PLEKHG2: variants seen among roughly 807,000 people sequenced by gnomAD.
The protein encoded by PLEKHG2 is pleckstrin homology and RhoGEF domain containing G2.
Under a neutral mutation model 104.4 loss-of-function variants are expected in PLEKHG2, and 71 were observed. That is an observed-to-expected ratio of 0.68 (90% CI 0.56 to 0.83). The LOEUF is 0.83. Among genes scored for constraint, PLEKHG2 ranks in the 40% least tolerant of loss-of-function variants. PLEKHG2 has a pLI of 0.00. For missense variants in PLEKHG2, 1,730 were observed against 1,809.4 expected, an observed-to-expected ratio of 0.96 and a Z score of 0.80; for synonymous variants, 728 against 737.0, an observed-to-expected ratio of 0.99 and a Z score of 0.20.
chr19:39,422,004 G>A (rs139852193), intron 16 of PLEKHG2, 111 bp from the exon 17 acceptor site: 10 of 1,177,786 alleles, frequency 8.5e-6, no homozygotes, highest in Non-Finnish European at 6.9e-6. Context: ...GCGACAGAGC[G>A]AGACTCCATC....
Position 39,416,551 on chromosome 19 carries a change from A to G in PLEKHG2, c.547A>G (p.Ser183Gly). 1.2e-6 allele frequency: 2 copies of G among 1,613,798 alleles called. No homozygotes were observed. Among genetic ancestry groups the G allele is most frequent in the Admixed American group, 1.7e-5 (1 of 59,996 alleles). Residue 183 changes from serine (S) to glycine (G), a missense_variant and splice_region_variant, in exon 6 of 19, where the codon AGC (serine) becomes GGC (glycine). Ser to Gly is a moderately conservative substitution (Grantham distance 56, BLOSUM62 0). Coordinates refer to ENST00000425673, the MANE Select transcript of PLEKHG2 (RefSeq NM_022835.3). This position sits in a 1 kb window ranked among gnomAD's most constrained non-coding sequence, Gnocchi z 4.5. ...TCCCTGACTCCCATGTCACCCGCAG[A>G]GCGAGGATTTTGACATCTACACATT... ...GGIAECFVQR[S>G]EDFDIYTLYC...
rs116910532 is a variant in PLEKHG2 at position 39,423,691 on chromosome 19, G to A, written c.2599+38G>A. The A allele has an allele frequency of 7.8e-3, 12,303 of 1,572,250 alleles. 66 individuals carry two copies. Among genetic ancestry groups the A allele is most frequent in the Non-Finnish European group, 9.5e-3 (10,944 of 1,157,104 alleles). On this transcript the variant is annotated intron_variant, in intron 18 of 18. Coordinates refer to ENST00000425673, the MANE Select transcript of PLEKHG2 (RefSeq NM_022835.3). ...TACGTGGTTGGCAGAGGTGGTCCCC[G>A]CTGGAGTAGTGGTCCTGACTCGATC...
Position 39,415,168 on chromosome 19 carries a change from G to C in PLEKHG2, c.286G>C (p.Gly96Arg). 6.3e-7 allele frequency: 1 copy of C among 1,596,762 alleles called. No individual in the cohort carries two copies. The highest frequency in any genetic ancestry group is 8.5e-7 in the Non-Finnish European group (1 of 1,171,068). ...RLHLSPVGIP[G>R]SARPSRLERV... ...ACATCTCTCTCCGGTGGGGATCCCA[G>C]GTTCAGCCAGACCCTCAAGGCTGGA... Residue 96 changes from glycine to arginine, a missense_variant, in exon 3 of 19, where the codon GGT becomes CGT. Physicochemically the swap from Gly to Arg is moderately radical, Grantham distance 125. Coordinates refer to ENST00000425673, the MANE Select transcript of PLEKHG2 (RefSeq NM_022835.3). The surrounding 1 kb of genome is among the most constrained non-coding windows in gnomAD (Gnocchi z 4.6).
At chr19:39,420,416 T>C (rs1296082493) in intron 11 of PLEKHG2, among the ~76,000 whole-genome samples, 1 of 151,690 alleles carries the variant, frequency 6.6e-6, no homozygotes, top group Non-Finnish European at 1.5e-5. Flanking sequence ...TCCCAGCTAC[T>C]CAGGAGGGTG....
chr19:39,420,498 T>G (rs923994013), intron 11 of PLEKHG2, 128 bp from the exon 12 acceptor site: 46 of 1,165,974 alleles, frequency 3.9e-5, no homozygotes, highest in Non-Finnish European at 5.3e-5. Flanking sequence ...TACTCCAACC[T>G]GGCGTATAGA....
At position 39,413,131 on chromosome 19, in the gene PLEKHG2, C is replaced by G. The variant is rs1187851434; in HGVS notation, c.-304C>G. On this transcript the variant is annotated 5_prime_UTR_variant, in exon 1 of 19. The change creates a new upstream start codon in the 5' untranslated region. Coordinates refer to ENST00000425673, the MANE Select transcript of PLEKHG2 (RefSeq NM_022835.3). This position sits in a 1 kb window ranked among gnomAD's most constrained non-coding sequence, Gnocchi z 4.5. ...CCTAGAATTAGGGGAACTCAGAAAT[C>G]CATCCCCCACCCCACGGCCCTACCT... The G allele has an allele frequency of 6.6e-6, 1 of 152,236 alleles. No individual in the cohort carries two copies. The highest frequency in any genetic ancestry group is 1.5e-5 in the Non-Finnish European group (1 of 68,068). The allele number at this position is 152,236 out of a possible 1,614,324, so 9.4% of individuals were successfully genotyped here.
intron 16 of PLEKHG2, 138 bp from the exon 17 acceptor site, chr19:39,421,977 A>T: frequency 3.5e-6 from 3 of 862,782 alleles, no homozygotes; most frequent in Non-Finnish European, 5.0e-6. Flanking sequence ...AGATGGCGCC[A>T]TTGCACTGCA....
chr19:39,414,027 A>G (rs2078561482), intron 1 of PLEKHG2, 38 bp from the exon 2 acceptor site: 2 of 1,443,994 alleles, frequency 1.4e-6, no homozygotes, highest in Non-Finnish European at 1.9e-6. Flanking sequence ...GGAGAGGCCC[A>G]TGGGGTCCTG....
Position 39,427,832 on chromosome 19 carries a change from T to G in PLEKHG2, c.*2538T>G, listed in dbSNP as rs2078799568. Reference sequence around the variant, plus strand: ...AGGCAGGCACAGAGAGGCTAAGGGATTTGCCTAGTCGCACAGCTAGGAAGG... The same window carrying G: ...AGGCAGGCACAGAGAGGCTAAGGGAGTTGCCTAGTCGCACAGCTAGGAAGG... On this transcript the variant is annotated 3_prime_UTR_variant, in exon 19 of 19. Coordinates refer to ENST00000425673, the MANE Select transcript of PLEKHG2 (RefSeq NM_022835.3). The G allele has an allele frequency of 6.5e-6, 1 of 152,870 alleles. No individual in the cohort carries two copies. Among genetic ancestry groups the G allele is most frequent in the African/African-American group, 2.4e-5 (1 of 41,448 alleles). The allele number at this position is 152,870 out of a possible 1,614,324, so 9.5% of individuals were successfully genotyped here.
intron 16 of PLEKHG2, chr19:39,421,562 C>A: frequency 2.0e-6 from 1 of 510,844 alleles, no homozygotes; most frequent in Non-Finnish European, 3.6e-6. Flanking sequence ...CTAGTGCATG[C>A]CCATAGTCCC....
At position 39,422,252 on chromosome 19, in the gene PLEKHG2, G is replaced by A. The variant is rs2078710375; in HGVS notation, c.1641G>A (p.Leu547=). Residue 547 remains leucine (L), a synonymous_variant, in exon 17 of 19, where the codon CTG becomes CTA. Coordinates refer to ENST00000425673, the MANE Select transcript of PLEKHG2 (RefSeq NM_022835.3). ...GGACCTCAATCACTGAAGAAATCCTGGAACTGCTGAATCAGCGAGGCCTTC... is the reference window on the plus strand; with the variant it reads ...GGACCTCAATCACTGAAGAAATCCTAGAACTGCTGAATCAGCGAGGCCTTC... ...PSGTSITEEI[L]ELLNQRGLRD... The A allele has an allele frequency of 6.2e-7, 1 of 1,613,538 alleles. No homozygotes were observed. The highest frequency in any genetic ancestry group is 8.5e-7 in the Non-Finnish European group (1 of 1,179,774).
In PLEKHG2 at chr19:39,427,843, G is replaced by T. The variant is rs75283644; in HGVS notation, c.*2549G>T. On this transcript the variant is annotated 3_prime_UTR_variant, in exon 19 of 19. Coordinates refer to ENST00000425673, the MANE Select transcript of PLEKHG2 (RefSeq NM_022835.3). Reference sequence around the variant, plus strand: ...GAGAGGCTAAGGGATTTGCCTAGTCGCACAGCTAGGAAGGTGCAGCACTGA... The same window carrying T: ...GAGAGGCTAAGGGATTTGCCTAGTCTCACAGCTAGGAAGGTGCAGCACTGA... 156 of 152,884 alleles carry T rather than the reference G, an allele frequency of 1.0e-3. No individual in the cohort carries two copies. Among genetic ancestry groups the T allele is most frequent in the South Asian group, 2.7e-3 (13 of 4,848 alleles). 9.5% of individuals were successfully genotyped at this position (152,884 alleles called of 1,614,324 possible).
chr19:39,415,200 G>A lies in PLEKHG2; in HGVS notation c.318G>A (p.Val106=). 6.3e-7 allele frequency: 1 copy of A among 1,586,868 alleles called. No homozygotes were observed. The change falls in exon 3 of 19, where the codon GTG becomes GTA. Residue 106 remains valine, a synonymous_variant. Coordinates refer to ENST00000425673, the MANE Select transcript of PLEKHG2 (RefSeq NM_022835.3). The surrounding 1 kb of genome is among the most constrained non-coding windows in gnomAD (Gnocchi z 4.6). ...CCAGACCCTCAAGGCTGGAGCGTGT[G>A]GCCCGGGAGATCGTGGAGACAGAAC... ...GSARPSRLER[V]AREIVETERA...
intron 11 of PLEKHG2, among the ~76,000 whole-genome samples, chr19:39,419,769 C>T (rs949924755): frequency 2.6e-5 from 4 of 151,828 alleles, no homozygotes; most frequent in East Asian, 1.9e-4. Flanking sequence ...CCCAGCTACT[C>T]GGGAGGCTGA....
Position 39,422,307 on chromosome 19 carries a change from C to G in PLEKHG2, c.1677+19C>G. The stretch of plus-strand genomic sequence containing the variant: ...TCCAGGGGTGAGCTGGCTGTCCCAT[C>G]ATGGTGTCCTTGGGCCTCTGGGTGT... On this transcript the variant is annotated intron_variant, in intron 17 of 18. Transcript: ENST00000425673. 1 of 1,605,078 alleles carries G rather than the reference C, an allele frequency of 6.2e-7. No homozygotes were observed. Among genetic ancestry groups the G allele is most frequent in the Non-Finnish European group, 8.5e-7 (1 of 1,175,700 alleles).
chr19:39,418,021 T>C lies in PLEKHG2; in HGVS notation c.999T>C (p.Gly333=). ...GGGGGPRLRG[G]ERLLFLFSRM... is the part of the protein sequence containing the mutation. Reference sequence around the variant, plus strand: ...GGGGTGGCCCCCGGCTACGAGGGGGTGAGCGGCTGCTCTTCCTGTTCTCTC... The same window carrying C: ...GGGGTGGCCCCCGGCTACGAGGGGGCGAGCGGCTGCTCTTCCTGTTCTCTC... Residue 333 remains glycine (G), a synonymous_variant, in exon 9 of 19, where the codon GGT becomes GGC. Coordinates refer to ENST00000425673, the MANE Select transcript of PLEKHG2 (RefSeq NM_022835.3). 6.4e-7 allele frequency: 1 copy of C among 1,558,736 alleles called. No individual in the cohort carries two copies. The highest frequency in any genetic ancestry group is 8.7e-7 in the Non-Finnish European group (1 of 1,153,362).
chr19:39,422,103 C>T lies in PLEKHG2; in HGVS notation c.1504-12C>T. The T allele has an allele frequency of 6.3e-7, 1 of 1,599,806 alleles. No homozygotes were observed. Among genetic ancestry groups the T allele is most frequent in the Admixed American group, 1.7e-5 (1 of 57,654 alleles). On this transcript the variant is annotated splice_polypyrimidine_tract_variant and intron_variant, in intron 16 of 18. Transcript: ENST00000425673. ...CTTGGCTCTTGCCTTCCATTGCTTTCCCTCCTCACAGCACGCTGGCAGCGA... is the reference window on the plus strand; with the variant it reads ...CTTGGCTCTTGCCTTCCATTGCTTTTCCTCCTCACAGCACGCTGGCAGCGA...
In PLEKHG2 at chr19:39,424,417, C is replaced by T. The variant is rs1186033011; in HGVS notation, c.3284C>T (p.Pro1095Leu). Reference sequence around the variant, plus strand: ...CCCCAGGGCCCAGGCGACACCCTACCACCCTTGCCATGTCACCTCCCAGAC... The same window carrying T: ...CCCCAGGGCCCAGGCGACACCCTACTACCCTTGCCATGTCACCTCCCAGAC... ...LDPQGPGDTL[P>L]PLPCHLPDLQ... The change falls in exon 19 of 19, where the codon CCA becomes CTA. Residue 1095 changes from proline to leucine, a missense_variant. By Grantham distance (98) the Pro-to-Leu change is moderately conservative. Transcript: ENST00000425673. 1.9e-6 allele frequency: 3 copies of T among 1,614,044 alleles called. No individual in the cohort carries two copies. The African/African-American group carries it at 4.0e-5, about 22-fold the overall frequency.
intron 15 of PLEKHG2, 31 bp downstream of exon 15, chr19:39,421,144 A>G (rs1480356099): frequency 6.2e-7 from 1 of 1,613,402 alleles, no homozygotes; most frequent in Non-Finnish European, 8.5e-7. Flanking sequence ...AGCCTGGTCC[A>G]TCCCTGTCTG....
Sources: allele counts gnomAD v4.1 joint callset (sites outside exome capture counted in the v4.1 genomes callset), GRCh38; gene constraint gnomAD v4.1.1; non-coding constraint Gnocchi (gnomAD v3.1); transcripts MANE v1.5; gene names NCBI Gene and HGNC (gene_info 2026-07-23, HGNC 2026-07-21).